SLC7A1: variants seen among roughly 807,000 people sequenced by gnomAD.
SLC7A1 encodes solute carrier family 7 member 1.
A neutral mutation model predicts 53.9 loss-of-function variants in SLC7A1; 10 were observed. That is an observed-to-expected ratio of 0.19 (90% CI 0.11 to 0.31). The LOEUF is 0.31. Among genes scored for constraint, SLC7A1 ranks in the 10% least tolerant of loss-of-function variants. The probability of loss-of-function intolerance (pLI) is 1.00; values close to 1 mark genes in which losing one functional copy is unlikely to be tolerated. For synonymous variants in SLC7A1, 342 were observed against 338.7 expected, an observed-to-expected ratio of 1.01 and a Z score of -0.11; for missense variants, 525 against 827.2, an observed-to-expected ratio of 0.63 and a Z score of 4.48.
rs1307653380 is a variant in SLC7A1 at position 29,530,681 on chromosome 13, G to A, written c.561C>T (p.Ala187=). The change falls in exon 5 of 13, where the codon GCC becomes GCT. Residue 187 remains alanine (A), a synonymous_variant. Coordinates refer to ENST00000380752, the MANE Select transcript of SLC7A1 (RefSeq NM_003045.5). The part of the protein sequence containing the change: ...GLLTLGVKES[A]MVNKIFTCIN... ...TACAAGTGAATATTTTGTTGACCATGGCCGACTCTTTCACACCAAGAGTTA... is the reference window on the plus strand; with the variant it reads ...TACAAGTGAATATTTTGTTGACCATAGCCGACTCTTTCACACCAAGAGTTA... The A allele has an allele frequency of 6.2e-7, 1 of 1,613,988 alleles. No homozygotes were observed. Among genetic ancestry groups the A allele is most frequent in the Non-Finnish European group, 8.5e-7 (1 of 1,179,994 alleles).
chr13:29,527,612 A>G (rs12875683), intron 5 of SLC7A1, among the ~76,000 whole-genome samples: 13,074 of 152,204 alleles, frequency 0.086, 774 homozygotes, highest in Non-Finnish European at 0.13. Context: ...CCCGAGACAA[A>G]GTGAGCTTGA....
chr13:29,578,931 C>G (rs280930), intron 1 of SLC7A1, among the ~76,000 whole-genome samples: 124,920 of 152,242 alleles, frequency 0.82, 52,839 homozygotes, highest in Middle Eastern at 0.94. Context: ...TTCAATATTG[C>G]CTTTTTCTTC....
At chr13:29,552,969 C>T (rs71434732) in intron 2 of SLC7A1, among the ~76,000 whole-genome samples, 1 of 152,176 alleles carries the variant, frequency 6.6e-6, no homozygotes, top group Non-Finnish European at 1.5e-5. Context: ...AATGAAGCTA[C>T]TCATATTTAA....
chr13:29,550,034 C>A (rs1870102631), intron 2 of SLC7A1, among the ~76,000 whole-genome samples: 1 of 152,196 alleles, frequency 6.6e-6, no homozygotes, highest in African/African-American at 2.4e-5. Flanking sequence ...AAATAATATT[C>A]TCTGCAGTCT....
intron 5 of SLC7A1, among the ~76,000 whole-genome samples, chr13:29,528,144 C>G (rs763172352): frequency 6.6e-6 from 1 of 152,238 alleles, no homozygotes; most frequent in Non-Finnish European, 1.5e-5. Flanking sequence ...CTGGGTGAAG[C>G]GACAAGCTGG....
intron 7 of SLC7A1, 117 bp from the exon 8 acceptor site, chr13:29,522,573 GC>G: frequency 1.8e-6 from 2 of 1,098,656 alleles, no homozygotes; most frequent in Non-Finnish European, 2.7e-6. Context: ...ACCAAGAGCT[GC>G]CGTCCCTCCA....
intron 1 of SLC7A1, among the ~76,000 whole-genome samples, chr13:29,567,250 C>T (rs537273398): frequency 5.1e-4 from 78 of 152,052 alleles, no homozygotes; most frequent in Admixed American, 4.6e-4. Flanking sequence ...ATGCCATACA[C>T]GTGGTTTTTA....
At chr13:29,541,510 G>A (rs1055574558) in intron 2 of SLC7A1, among the ~76,000 whole-genome samples, 1 of 152,154 alleles carries the variant, frequency 6.6e-6, no homozygotes, top group Non-Finnish European at 1.5e-5. Flanking sequence ...AGAAGCCACT[G>A]CCAATTTGGG....
chr13:29,532,391 C>T (rs978989278), intron 4 of SLC7A1, among the ~76,000 whole-genome samples: 2 of 152,318 alleles, frequency 1.3e-5, no homozygotes, highest in South Asian at 2.1e-4. Flanking sequence ...CATCTTCAGA[C>T]GCCCCAGGCA....
chr13:29,542,529 T>TA (rs1869712523), intron 2 of SLC7A1, among the ~76,000 whole-genome samples: 1 of 151,636 alleles, frequency 6.6e-6, no homozygotes, highest in Non-Finnish European at 1.5e-5. Context: ...ACAAAAAATT[T>TA]AAAATTAGCT....
chr13:29,538,863 T>G (rs979532022), intron 2 of SLC7A1, among the ~76,000 whole-genome samples: 1 of 152,164 alleles, frequency 6.6e-6, no homozygotes, highest in Non-Finnish European at 1.5e-5. Flanking sequence ...GTCGTTTAAG[T>G]AGACGGAGCC....
At chr13:29,590,340 C>A (rs76628627) in intron 1 of SLC7A1, among the ~76,000 whole-genome samples, 5,922 of 152,262 alleles carry the variant, frequency 0.039, 364 homozygotes, top group African/African-American at 0.13. Flanking sequence ...GTAGCCAGGG[C>A]AGTCACTCCC....
intron 1 of SLC7A1, among the ~76,000 whole-genome samples, chr13:29,588,887 G>A (rs1253083065): frequency 6.6e-6 from 1 of 152,220 alleles, no homozygotes; most frequent in African/African-American, 2.4e-5. Flanking sequence ...CAAAAGGGAT[G>A]AGGGAAGAGT....
intron 1 of SLC7A1, among the ~76,000 whole-genome samples, chr13:29,583,480 T>C (rs1178870794): frequency 6.6e-6 from 1 of 152,162 alleles, no homozygotes; most frequent in African/African-American, 2.4e-5. Context: ...CAGCTCTTAG[T>C]AGACTTCAAC....
intron 1 of SLC7A1, among the ~76,000 whole-genome samples, chr13:29,559,576 G>T (rs936025793): frequency 1.3e-5 from 2 of 151,808 alleles, no homozygotes; most frequent in African/African-American, 4.9e-5. Flanking sequence ...TGAAGGCCTA[G>T]GACATGACTG....
In SLC7A1 at chr13:29,580,906, A is replaced by T. The variant is rs149432525; in HGVS notation, c.-115+14510T>A. 8.6e-3 allele frequency among the ~76,000 whole-genome samples: 1,308 copies of T among 151,958 alleles called. 9 individuals are homozygous for T. Among genetic ancestry groups the T allele is most frequent in the Non-Finnish European group, 0.014 (976 of 67,732 alleles). ...AAATTCAAAAGCTACCCAAAGTCAC[A>T]GGGTAAACTGCAAGTGCCCTCTATC... On this transcript the variant is annotated intron_variant, in intron 1 of 12. Coordinates refer to ENST00000380752, the MANE Select transcript of SLC7A1 (RefSeq NM_003045.5).
At chr13:29,539,585 C>A (rs1030687498) in intron 2 of SLC7A1, among the ~76,000 whole-genome samples, 10 of 152,204 alleles carry the variant, frequency 6.6e-5, no homozygotes, top group African/African-American at 2.4e-4. Flanking sequence ...GACACCTGTG[C>A]ACAGCTGCGC....
chr13:29,573,726 T>C (rs574637354), intron 1 of SLC7A1, among the ~76,000 whole-genome samples: 1 of 152,338 alleles, frequency 6.6e-6, no homozygotes, highest in African/African-American at 2.4e-5. Context: ...TGCCAACAAA[T>C]AATCTTTTAG....
intron 1 of SLC7A1, among the ~76,000 whole-genome samples, chr13:29,555,638 C>T (rs1031996376): frequency 1.4e-4 from 21 of 149,354 alleles, no homozygotes; most frequent in Non-Finnish European, 1.9e-4. Context: ...GATTGGGATT[C>T]GTAGTTTAAA....
Sources: allele counts gnomAD v4.1 joint callset (sites outside exome capture counted in the v4.1 genomes callset), GRCh38; gene constraint gnomAD v4.1.1; transcripts MANE v1.5; gene names NCBI Gene and HGNC (gene_info 2026-07-23, HGNC 2026-07-21).